The following SLC25A31 variants were observed in gnomAD, a reference collection of about 807,000 sequenced individuals.
SLC25A31 encodes solute carrier family 25 member 31, also known as ADP/ATP translocase 4.
SLC25A31 carries 40 observed loss-of-function variants against 36.2 expected under a neutral mutation model. That is an observed-to-expected ratio of 1.10 (90% CI 0.86 to 1.44). The LOEUF (loss-of-function observed/expected upper bound fraction) is 1.44. Ranked by LOEUF, SLC25A31 falls within the 40% of genes most tolerant of loss-of-function variation. SLC25A31 has a pLI of 0.00. For missense variants in SLC25A31, 350 were observed against 397.1 expected (o/e 0.88, Z 1.01); for synonymous variants, 143 against 149.7 (o/e 0.96, Z 0.32).
Position 127,744,729 on chromosome 4 carries a change from A to T in SLC25A31, c.290A>T (p.Gln97Leu). Residue 97 changes from glutamine to leucine, a missense_variant, in exon 2 of 6, where the codon CAA (glutamine) becomes CTA (leucine). By Grantham distance (113) the Gln-to-Leu change is moderately radical. Transcript: ENST00000281154. ...AATGTTATTCGGTATTTTCCAACAC[A>T]AGCTCTAAACTTTGCTTTTAAGGAC... ...LANVIRYFPT[Q>L]ALNFAFKDKY... The T allele has an allele frequency of 6.2e-7, 1 of 1,604,668 alleles. No homozygotes were observed. The highest frequency in any genetic ancestry group is 8.5e-7 in the Non-Finnish European group (1 of 1,174,686).
intron 1 of SLC25A31, among the ~76,000 whole-genome samples, chr4:127,739,343 T>C (rs961775554): frequency 3.9e-5 from 6 of 152,324 alleles, no homozygotes; most frequent in African/African-American, 1.4e-4. Flanking sequence ...TATCTCTTCT[T>C]CATGTATAAA....
intron 1 of SLC25A31, among the ~76,000 whole-genome samples, chr4:127,737,646 T>C (rs77006479): frequency 0.03 from 4,568 of 152,194 alleles, 98 homozygotes; most frequent in Non-Finnish European, 0.048. Flanking sequence ...CCTGGAGTTT[T>C]GGTGTTCAAG....
At chr4:127,765,583 G>GTA (rs1444261250) in intron 3 of SLC25A31, among the ~76,000 whole-genome samples, 1 of 152,028 alleles carries the variant, frequency 6.6e-6, no homozygotes, top group African/African-American at 2.4e-5. Flanking sequence ...GTGTATATGC[G>GTA]TATATATATG....
chr4:127,738,918 A>C (rs1207936207), intron 1 of SLC25A31, among the ~76,000 whole-genome samples: 1 of 152,238 alleles, frequency 6.6e-6, no homozygotes, highest in Non-Finnish European at 1.5e-5. Context: ...TCATATAAGA[A>C]TAATGACCCC....
intron 1 of SLC25A31, among the ~76,000 whole-genome samples, chr4:127,739,910 T>C (rs1185898680): frequency 1.3e-5 from 2 of 152,062 alleles, no homozygotes; most frequent in Admixed American, 6.6e-5. Flanking sequence ...AAGTAAGCTT[T>C]TCAATTCCAT....
At chr4:127,742,871 C>T (rs1340466068) in intron 1 of SLC25A31, among the ~76,000 whole-genome samples, 2 of 152,110 alleles carry the variant, frequency 1.3e-5, no homozygotes, top group African/African-American at 2.4e-5. Context: ...CTCTTCATTT[C>T]TTCTTTGACC....
At chr4:127,764,436 G>T (rs1200328662) in intron 3 of SLC25A31, 76 bp downstream of exon 3, 1 of 1,230,188 alleles carries the variant, frequency 8.1e-7, no homozygotes, top group Non-Finnish European at 1.2e-6. Flanking sequence ...CATTAATTGT[G>T]CTATAATAGT....
At position 127,773,390 on chromosome 4, in the gene SLC25A31, G is replaced by C. The variant is rs746803361; in HGVS notation, c.764G>C (p.Gly255Ala). The change falls in exon 6 of 6, where the codon GGT becomes GCT. Residue 255 changes from glycine to alanine, a missense_variant. Gly to Ala is a moderately conservative substitution (Grantham distance 60). Transcript: ENST00000281154. ...CCTTTGTTTTTCTTTGTATAGAGTG[G>C]TGAGGCTAAACGGCAATATAAAGGA... The part of the protein sequence containing the change: ...TVRRRMMMQS[G>A]EAKRQYKGTL... The C allele has an allele frequency of 1.2e-6, 2 of 1,609,916 alleles. No homozygotes were observed. Among genetic ancestry groups the C allele is most frequent in the Non-Finnish European group, 1.7e-6 (2 of 1,178,902 alleles).
intron 1 of SLC25A31, among the ~76,000 whole-genome samples, chr4:127,732,325 T>C (rs1478630027): frequency 1.3e-5 from 2 of 152,144 alleles, no homozygotes; most frequent in Non-Finnish European, 2.9e-5. Context: ...GTGGAGTATA[T>C]GGGGTCAGGG....
intron 1 of SLC25A31, among the ~76,000 whole-genome samples, chr4:127,743,270 A>G (rs1158574367): frequency 2.0e-5 from 3 of 151,828 alleles, no homozygotes; most frequent in Non-Finnish European, 4.4e-5. Flanking sequence ...AGTTGGAACT[A>G]CAGGCACATG....
Position 127,768,753 on chromosome 4 carries a change from G to T in SLC25A31, c.635G>T (p.Gly212Val), listed in dbSNP as rs745683229. 48 of 1,594,578 alleles carry T rather than the reference G, an allele frequency of 3.0e-5. 1 individual carries two copies. Among genetic ancestry groups the T allele is most frequent in the Non-Finnish European group, 3.3e-5 (39 of 1,172,700 alleles). ...SYFGAYDTVK[G>V]LLPKPKKTPF... ...ACTTGGCACATTTTTCTTTTCTAGG[G>T]TTTATTACCAAAGCCAAAGAAAACT... Residue 212 changes from glycine (G) to valine (V), a missense_variant and splice_region_variant, in exon 5 of 6, where the codon GGT becomes GTT. Gly to Val is a moderately radical substitution (Grantham distance 109). Transcript: ENST00000281154.
chr4:127,757,111 AG>A (rs1380669242), intron 2 of SLC25A31, among the ~76,000 whole-genome samples: 1 of 152,232 alleles, frequency 6.6e-6, no homozygotes, highest in Non-Finnish European at 1.5e-5. Flanking sequence ...ATCACATCAC[AG>A]GATATTACTC....
At chr4:127,767,999 T>A (rs1463366587) in intron 4 of SLC25A31, among the ~76,000 whole-genome samples, 1 of 151,780 alleles carries the variant, frequency 6.6e-6, no homozygotes, top group Non-Finnish European at 1.5e-5. Flanking sequence ...TAAAGATAAA[T>A]AGCCTAGGAA....
chr4:127,730,580 A>C lies in SLC25A31; in HGVS notation c.35A>C (p.Lys12Thr). The change falls in exon 1 of 6, where the codon AAG becomes ACG. Residue 12 changes from lysine (K) to threonine (T), a missense_variant. Lys to Thr is a moderately conservative substitution (Grantham distance 78). Transcript: ENST00000281154. ...GAGCCTGCGAAAAAGAAGGCAGAAA[A>C]GCGGCTGTTTGACGCCTCATCCTTC... ...HREPAKKKAE[K>T]RLFDASSFGK... 1 of 1,614,036 alleles carries C rather than the reference A, an allele frequency of 6.2e-7. No homozygotes were observed. The highest frequency in any genetic ancestry group is 8.5e-7 in the Non-Finnish European group (1 of 1,179,892).
chr4:127,750,391 T>G (rs1000082321), intron 2 of SLC25A31, among the ~76,000 whole-genome samples: 4 of 152,138 alleles, frequency 2.6e-5, no homozygotes, highest in Non-Finnish European at 5.9e-5. Context: ...CCATTGGAAG[T>G]CCAAATACTC....
At chr4:127,735,714 G>T (rs969703097) in intron 1 of SLC25A31, among the ~76,000 whole-genome samples, 1 of 146,986 alleles carries the variant, frequency 6.8e-6, no homozygotes, top group Non-Finnish European at 1.5e-5. Flanking sequence ...AGTTGCAAAG[G>T]TATATAATTT....
intron 5 of SLC25A31, among the ~76,000 whole-genome samples, chr4:127,769,996 T>C (rs527513708): frequency 4.6e-5 from 7 of 152,356 alleles, no homozygotes; most frequent in Admixed American, 2.6e-4. Context: ...TTCTGTACTT[T>C]TACTCATTAA....
chr4:127,755,381 C>CA (rs1184896639), intron 2 of SLC25A31, among the ~76,000 whole-genome samples: 3 of 151,130 alleles, frequency 2.0e-5, no homozygotes, highest in East Asian at 3.9e-4. Context: ...AAATATTTGC[C>CA]AAAAAAAATC....
intron 1 of SLC25A31, among the ~76,000 whole-genome samples, chr4:127,741,001 C>T (rs548193100): frequency 1.4e-4 from 21 of 152,096 alleles, no homozygotes; most frequent in Non-Finnish European, 2.6e-4. Context: ...CCTAATGTTT[C>T]GTGTATGCTA....
Sources: gnomAD v4.1 joint callset for allele counts (sites outside exome capture counted in the v4.1 genomes callset) on GRCh38, gnomAD v4.1.1 for gene constraint, MANE v1.5 for transcripts, NCBI Gene and HGNC (gene_info 2026-07-23, HGNC 2026-07-21) for gene names.